The following LMX1A variants were observed in gnomAD, a reference collection of about 807,000 sequenced individuals.
LMX1A encodes LIM homeobox transcription factor 1 alpha, also known as LIM homeobox transcription factor 1-alpha.
LMX1A carries 15 observed loss-of-function variants against 49.1 expected under a neutral mutation model. The observed-to-expected ratio is 0.31, with a 90% CI of 0.20 to 0.47. The LOEUF (loss-of-function observed/expected upper bound fraction) is 0.47, where lower values mean the gene tolerates loss of function less well. Among genes scored for constraint, LMX1A ranks in the 20% least tolerant of loss-of-function variants. The pLI, the probability that LMX1A is intolerant of heterozygous loss-of-function variation, is 1.00. For missense variants in LMX1A, 372 were observed against 475.8 expected (o/e 0.78, Z 2.03); for synonymous variants, 167 against 185.7 (o/e 0.90, Z 0.82).
chr1:165,229,525 C>CTT (rs1206280799), intron 4 of LMX1A, among the ~76,000 whole-genome samples: 1 of 152,212 alleles, frequency 6.6e-6, no homozygotes, highest in Admixed American at 6.5e-5. Flanking sequence ...CTACCAGTTA[C>CTT]TACAACATGG....
intron 3 of LMX1A, among the ~76,000 whole-genome samples, chr1:165,300,395 A>T (rs1204142651): frequency 1.3e-5 from 2 of 152,190 alleles, no homozygotes; most frequent in Non-Finnish European, 2.9e-5. Context: ...CAGACTCACA[A>T]GAAAATGCCT....
At position 165,202,291 on chromosome 1, in the gene LMX1A, T is replaced by C. The variant is rs1324529946; in HGVS notation, c.*1589A>G. Reference sequence around the variant, plus strand: ...CAGGAGACTTCCTAGCACAGAACAATACCATCCTAGCACCGCAACTGGAGA... The same window carrying C: ...CAGGAGACTTCCTAGCACAGAACAACACCATCCTAGCACCGCAACTGGAGA... On this transcript the variant is annotated 3_prime_UTR_variant, in exon 9 of 9. Transcript: ENST00000342310. 6.6e-6 allele frequency: 1 copy of C among 152,620 alleles called. No homozygotes were observed. The highest frequency in any genetic ancestry group is 1.5e-5 in the Non-Finnish European group (1 of 68,122). 9.5% of individuals were successfully genotyped at this position (152,620 alleles called of 1,614,324 possible).
intron 3 of LMX1A, among the ~76,000 whole-genome samples, chr1:165,294,985 G>A (rs1044760923): frequency 2.6e-5 from 4 of 151,958 alleles, no homozygotes; most frequent in East Asian, 3.9e-4. Context: ...AAAATCACAC[G>A]CACATAACAT....
At chr1:165,348,290 T>C (rs1055642545) in intron 3 of LMX1A, among the ~76,000 whole-genome samples, 1 of 152,198 alleles carries the variant, frequency 6.6e-6, no homozygotes, top group Admixed American at 6.5e-5. Context: ...TAATATCTAC[T>C]CCTGCTATCT....
intron 3 of LMX1A, among the ~76,000 whole-genome samples, chr1:165,303,932 G>A (rs759970267): frequency 2.0e-5 from 3 of 151,996 alleles, no homozygotes; most frequent in East Asian, 1.9e-4. Context: ...ATTACCCCAC[G>A]CCAGAGATTG....
intron 4 of LMX1A, among the ~76,000 whole-genome samples, chr1:165,231,825 C>A (rs548533903): frequency 2.0e-5 from 3 of 152,200 alleles, no homozygotes; most frequent in Admixed American, 2.0e-4. Context: ...TTTGAGTATT[C>A]TAACACTTAA....
intron 3 of LMX1A, among the ~76,000 whole-genome samples, chr1:165,272,550 C>T (rs1021796620): frequency 6.6e-6 from 1 of 151,908 alleles, no homozygotes; most frequent in African/African-American, 2.4e-5. Flanking sequence ...GTGCACCCCT[C>T]TATCAACACA....
rs111909893 is a variant in LMX1A, at chr1:165,247,868, G to A, written c.496+1540C>T. ...AGATATAGTGATATAACCTGGCTAA[G>A]GCACCCCACTTGTCTGTCTCCAAAG... On this transcript the variant is annotated intron_variant, in intron 4 of 8. Transcript: ENST00000342310. Among the ~76,000 whole-genome samples, 914 of 152,288 alleles carry A rather than the reference G, an allele frequency of 6.0e-3. 5 individuals are homozygous for A. The highest frequency in any genetic ancestry group is 0.01 in the Middle Eastern group (3 of 294).
intron 3 of LMX1A, among the ~76,000 whole-genome samples, chr1:165,280,850 C>A (rs2101705608): frequency 6.6e-6 from 1 of 152,272 alleles, no homozygotes; most frequent in Non-Finnish European, 1.5e-5. Context: ...CATGGTATCC[C>A]AGTGAGCCCT....
intron 3 of LMX1A, among the ~76,000 whole-genome samples, chr1:165,337,882 GTGTTTC>G (rs1480110851): frequency 2.0e-5 from 2 of 101,778 alleles, no homozygotes; most frequent in African/African-American, 6.0e-5. Flanking sequence ...CTGTGTGTGT[GTGTTTC>G]TGTGTGTGTG....
chr1:165,222,145 C>G (rs1253084022), intron 4 of LMX1A, among the ~76,000 whole-genome samples: 3 of 152,142 alleles, frequency 2.0e-5, no homozygotes, highest in Non-Finnish European at 2.9e-5. Flanking sequence ...GATTCCTCCC[C>G]ACCAACATCA....
intron 3 of LMX1A, among the ~76,000 whole-genome samples, chr1:165,303,849 T>A (rs1422830040): frequency 6.6e-6 from 1 of 152,134 alleles, no homozygotes. Context: ...GGGGTGGACT[T>A]TAAAGCAGTA....
intron 4 of LMX1A, among the ~76,000 whole-genome samples, chr1:165,235,836 T>G (rs1383513888): frequency 1.3e-5 from 2 of 152,218 alleles, no homozygotes; most frequent in Non-Finnish European, 2.9e-5. Flanking sequence ...CTTTGGAGAT[T>G]ATGGGGAACA....
At chr1:165,325,089 G>C (rs1655527683) in intron 3 of LMX1A, among the ~76,000 whole-genome samples, 1 of 151,870 alleles carries the variant, frequency 6.6e-6, no homozygotes, top group South Asian at 2.1e-4. Flanking sequence ...CCCTCCAAAG[G>C]CTACTGCACA....
intron 3 of LMX1A, among the ~76,000 whole-genome samples, chr1:165,326,082 G>A (rs1655570477): frequency 6.6e-6 from 1 of 152,050 alleles, no homozygotes. Flanking sequence ...GCCCAGCTCT[G>A]CCCTTTTATA....
intron 3 of LMX1A, among the ~76,000 whole-genome samples, chr1:165,283,939 A>T (rs1654229038): frequency 6.6e-6 from 1 of 152,202 alleles, no homozygotes; most frequent in Non-Finnish European, 1.5e-5. Context: ...CAGAAGAAAG[A>T]AATTGCTGAA....
intron 3 of LMX1A, among the ~76,000 whole-genome samples, chr1:165,253,546 A>T (rs150012962): frequency 1.4e-3 from 206 of 152,316 alleles, no homozygotes; most frequent in Non-Finnish European, 2.5e-3. Flanking sequence ...CTTGGAAAAG[A>T]TGATGAAGCC....
chr1:165,214,226 T>A (rs529312456), intron 4 of LMX1A, among the ~76,000 whole-genome samples: 15 of 152,264 alleles, frequency 9.9e-5, no homozygotes, highest in African/African-American at 2.6e-4. Flanking sequence ...TCTCACACGA[T>A]CTGATGGCTT....
At chr1:165,243,665 G>A (rs1402460083) in intron 4 of LMX1A, among the ~76,000 whole-genome samples, 2 of 152,192 alleles carry the variant, frequency 1.3e-5, no homozygotes, top group Non-Finnish European at 2.9e-5. Context: ...CCCATGTAGA[G>A]GAAACACTTA....
Sources: allele counts gnomAD v4.1 joint callset (sites outside exome capture counted in the v4.1 genomes callset), GRCh38; gene constraint gnomAD v4.1.1; transcripts MANE v1.5; gene names NCBI Gene and HGNC (gene_info 2026-07-23, HGNC 2026-07-21).